Variants in MAF observed in about 807,000 individuals in gnomAD.
The protein encoded by MAF is transcription factor Maf.
In MAF, 10 loss-of-function variants were observed where a neutral mutation model predicts 22.0. The ratio of observed to expected loss-of-function variants is 0.45; its 90% CI spans 0.28 to 0.77. MAF has a LOEUF of 0.77. Among genes scored for constraint, MAF ranks in the 30% least tolerant of loss-of-function variants. The pLI is 0.12. For missense variants in MAF, 544 were observed against 548.4 expected, an observed-to-expected ratio of 0.99 and a Z score of 0.08; for synonymous variants, 337 against 255.8, an observed-to-expected ratio of 1.32 and a Z score of -3.03.
chr16:79,578,505 T>G, the MAF span, among the ~76,000 whole-genome samples: 1 of 152,166 alleles, frequency 6.6e-6, no homozygotes, highest in Non-Finnish European at 1.5e-5. Context: ...TAGATAGAAT[T>G]CTATAGCTCT....
chr16:79,279,073 T>G, the MAF span, among the ~76,000 whole-genome samples: 16 of 152,336 alleles, frequency 1.1e-4, no homozygotes, highest in African/African-American at 3.6e-4. Flanking sequence ...CATTCAATTC[T>G]CACCTCCAGC....
chr16:79,549,170 G>C, the MAF span, among the ~76,000 whole-genome samples: 1 of 152,206 alleles, frequency 6.6e-6, no homozygotes, highest in Non-Finnish European at 1.5e-5. Flanking sequence ...GGATGATGGT[G>C]ACGAGCAACA....
chr16:79,280,942 G>T, the MAF span, among the ~76,000 whole-genome samples: 2 of 152,174 alleles, frequency 1.3e-5, no homozygotes, highest in African/African-American at 4.8e-5. Flanking sequence ...GCAGTCTAGT[G>T]ATTGCCACCC....
At chr16:79,271,642 T>C in the MAF span, among the ~76,000 whole-genome samples, 1 of 152,242 alleles carries the variant, frequency 6.6e-6, no homozygotes, top group African/African-American at 2.4e-5. Flanking sequence ...TAATAAAGAC[T>C]GTTGATATTG....
the MAF span, among the ~76,000 whole-genome samples, chr16:79,304,858 C>T: frequency 2.6e-5 from 4 of 152,294 alleles, no homozygotes; most frequent in African/African-American, 9.6e-5. Context: ...TCATTTCTTT[C>T]CATGGCAGAT....
At chr16:79,233,680 G>A in the MAF span, among the ~76,000 whole-genome samples, 1 of 152,022 alleles carries the variant, frequency 6.6e-6, no homozygotes, top group African/African-American at 2.4e-5. Context: ...TTGAAAAATG[G>A]TAGACAAGCA....
chr16:79,287,342 G>A, the MAF span, among the ~76,000 whole-genome samples: 4 of 152,308 alleles, frequency 2.6e-5, no homozygotes, highest in East Asian at 3.9e-4. Context: ...CCGGGCCCTC[G>A]GCCTTGAGAG....
At chr16:79,327,084 G>A in the MAF span, among the ~76,000 whole-genome samples, 1 of 152,232 alleles carries the variant, frequency 6.6e-6, no homozygotes, top group African/African-American at 2.4e-5. Context: ...GCCCAGAACA[G>A]GGGGTGGCAT....
At chr16:79,306,721 G>A in the MAF span, among the ~76,000 whole-genome samples, 4 of 152,060 alleles carry the variant, frequency 2.6e-5, no homozygotes, top group African/African-American at 9.7e-5. Context: ...CATCACTTTC[G>A]TTCTTATCTT....
chr16:79,480,601 T>G, the MAF span, among the ~76,000 whole-genome samples: 1 of 152,096 alleles, frequency 6.6e-6, no homozygotes, highest in African/African-American at 2.4e-5. Flanking sequence ...GTTTTATCAG[T>G]TCTCACTATG....
chr16:79,479,276 C>T, the MAF span, among the ~76,000 whole-genome samples: 1 of 152,208 alleles, frequency 6.6e-6, no homozygotes, highest in Non-Finnish European at 1.5e-5. Flanking sequence ...ACCTTTCTAC[C>T]ATCCTGTTGT....
At chr16:79,246,546 G>GTT in the MAF span, among the ~76,000 whole-genome samples, 1 of 136,662 alleles carries the variant, frequency 7.3e-6, no homozygotes, top group South Asian at 2.4e-4. Context: ...TTTTTGGGGG[G>GTT]GGTGTGGGGG....
the MAF span, among the ~76,000 whole-genome samples, chr16:79,462,763 C>T: frequency 4.6e-5 from 7 of 152,200 alleles, no homozygotes; most frequent in African/African-American, 1.7e-4. Flanking sequence ...CCTACACATA[C>T]ATATTGGGCA....
At chr16:79,418,067 C>A in the MAF span, among the ~76,000 whole-genome samples, 2 of 152,020 alleles carry the variant, frequency 1.3e-5, no homozygotes. Flanking sequence ...AATCCTTGAC[C>A]CTTTTTTACA....
the MAF span, among the ~76,000 whole-genome samples, chr16:79,272,950 C>T: frequency 3.9e-5 from 6 of 152,300 alleles, no homozygotes; most frequent in South Asian, 1.2e-3. Context: ...TGCCTCTCCT[C>T]TTCTGCATTT....
chr16:79,369,293 C>G, the MAF span, among the ~76,000 whole-genome samples: 2 of 152,164 alleles, frequency 1.3e-5, no homozygotes, highest in Non-Finnish European at 2.9e-5. Context: ...AGGAACAACA[C>G]AGACGGGATC....
At chr16:79,446,811 G>A in the MAF span, among the ~76,000 whole-genome samples, 2 of 152,068 alleles carry the variant, frequency 1.3e-5, no homozygotes, top group African/African-American at 4.8e-5. Flanking sequence ...CAGGTTGCGA[G>A]TCAGGAGGAT....
At chr16:79,482,317 G>A in the MAF span, among the ~76,000 whole-genome samples, 1 of 152,110 alleles carries the variant, frequency 6.6e-6, no homozygotes, top group Non-Finnish European at 1.5e-5. Flanking sequence ...GGGGAAGTGT[G>A]GAGAGCAAAG....
At chr16:79,590,122 C>T (rs966899473), downstream of MAF, among the ~76,000 whole-genome samples, 1 of 152,102 alleles carries the variant, frequency 6.6e-6, no homozygotes, top group South Asian at 2.1e-4. Flanking sequence ...CAGGCTCGGG[C>T]AGTGATGTCC....
Sources: allele counts gnomAD v4.1 joint callset (sites outside exome capture counted in the v4.1 genomes callset), GRCh38; gene constraint gnomAD v4.1.1; transcripts MANE v1.5; gene names NCBI Gene and HGNC (gene_info 2026-07-23, HGNC 2026-07-21).